TMEM178B: variants seen among roughly 807,000 people sequenced by gnomAD.
The protein encoded by TMEM178B is transmembrane protein 178B.
A neutral mutation model predicts 31.0 loss-of-function variants in TMEM178B; 5 were observed. The ratio of observed to expected loss-of-function variants is 0.16; its 90% CI spans 0.08 to 0.34. The LOEUF is 0.34. TMEM178B is among the 10% of genes least tolerant of loss of function. The pLI is 1.00. For synonymous variants in TMEM178B, 164 were observed against 164.0 expected (o/e 1.00, Z 0.00); for missense variants, 275 against 400.3 (o/e 0.69, Z 2.67).
intron 1 of TMEM178B, among the ~76,000 whole-genome samples, chr7:141,112,795 C>T (rs1333389441): frequency 6.6e-6 from 1 of 152,136 alleles, no homozygotes; most frequent in East Asian, 1.9e-4. Context: ...CTCTCAAAAC[C>T]ATGCATTTTG....
chr7:141,314,554 CCCCACCAGTCT>C (rs1255479090), intron 2 of TMEM178B, among the ~76,000 whole-genome samples: 1 of 152,190 alleles, frequency 6.6e-6, no homozygotes, highest in Admixed American at 6.5e-5. Flanking sequence ...TAGCTTCTGT[CCCCACCAGTCT>C]CCCAAGATGA....
intron 2 of TMEM178B, among the ~76,000 whole-genome samples, chr7:141,283,339 C>T (rs1586869328): frequency 6.6e-6 from 1 of 152,266 alleles, no homozygotes; most frequent in East Asian, 1.9e-4. Context: ...TGAGAGTGAC[C>T]AGTGGGAATG....
At chr7:141,452,119 C>T (rs576969177) in intron 3 of TMEM178B, among the ~76,000 whole-genome samples, 61 of 152,210 alleles carry the variant, frequency 4.0e-4, no homozygotes, top group African/African-American at 1.3e-3. Context: ...AAAACATGTC[C>T]GCTTGTCAAC....
intron 2 of TMEM178B, among the ~76,000 whole-genome samples, chr7:141,375,663 G>A (rs1206621691): frequency 1.3e-5 from 2 of 152,160 alleles, no homozygotes; most frequent in African/African-American, 4.8e-5. Context: ...GTATAATTCT[G>A]GGTTATTGGA....
chr7:141,425,929 G>C (rs918475859), intron 2 of TMEM178B, among the ~76,000 whole-genome samples: 2 of 152,074 alleles, frequency 1.3e-5, no homozygotes, highest in Non-Finnish European at 2.9e-5. Context: ...ATCTCTTCCT[G>C]ACTTGGGGGA....
In TMEM178B at chr7:141,476,698, A is replaced by G. The variant is rs997350334; in HGVS notation, c.*5912A>G. 2.6e-5 allele frequency: 4 copies of G among 152,214 alleles called. No homozygotes were observed. The highest frequency in any genetic ancestry group is 1.3e-4 in the Admixed American group (2 of 15,290). 9.4% of individuals were successfully genotyped at this position (152,214 alleles called of 1,614,324 possible). On this transcript the variant is annotated 3_prime_UTR_variant, in exon 4 of 4. Transcript: ENST00000565468. ...GTCTGGGTGTGATCCTGTTTGGGAA[A>G]AACAGAATCCTAGGTTCTAAACAAG...
intron 1 of TMEM178B, among the ~76,000 whole-genome samples, chr7:141,119,591 A>G (rs1795376263): frequency 1.3e-5 from 2 of 152,340 alleles, no homozygotes; most frequent in South Asian, 4.1e-4. Context: ...GCGCATCTTT[A>G]TGAACATGCT....
chr7:141,198,922 T>C (rs1024091845), intron 1 of TMEM178B, among the ~76,000 whole-genome samples: 10 of 152,164 alleles, frequency 6.6e-5, no homozygotes, highest in African/African-American at 2.4e-4. Context: ...ATTAGGGATG[T>C]GATGGGAATA....
At chr7:141,398,251 A>T (rs1319028330) in intron 2 of TMEM178B, among the ~76,000 whole-genome samples, 1 of 152,220 alleles carries the variant, frequency 6.6e-6, no homozygotes, top group Non-Finnish European at 1.5e-5. Context: ...TCAGGAGGCT[A>T]AATTTGAGTT....
chr7:141,099,458 T>C (rs1795016455), intron 1 of TMEM178B, among the ~76,000 whole-genome samples: 1 of 152,240 alleles, frequency 6.6e-6, no homozygotes, highest in South Asian at 2.1e-4. Context: ...GCACATTAAT[T>C]CATCCTGAAT....
chr7:141,305,720 C>T (rs1229899307), intron 2 of TMEM178B, among the ~76,000 whole-genome samples: 1 of 151,714 alleles, frequency 6.6e-6, no homozygotes, highest in Non-Finnish European at 1.5e-5. Context: ...CAGGCATGAG[C>T]CACTGTGCCT....
At chr7:141,275,004 C>T (rs112401988) in intron 2 of TMEM178B, among the ~76,000 whole-genome samples, 3,091 of 152,232 alleles carry the variant, frequency 0.02, 60 homozygotes, top group Admixed American at 0.06. Context: ...CAAGAGCTAG[C>T]AATGTGGAGG....
the TMEM178B span, among the ~76,000 whole-genome samples, chr7:141,494,052 GT>G: frequency 6.6e-6 from 1 of 152,006 alleles, no homozygotes; most frequent in East Asian, 1.9e-4. Context: ...CCATTTCCCA[GT>G]TTTCTAACTA....
At chr7:141,191,075 G>C (rs961786898) in intron 1 of TMEM178B, among the ~76,000 whole-genome samples, 4 of 152,156 alleles carry the variant, frequency 2.6e-5, no homozygotes, top group Admixed American at 2.6e-4. Context: ...ACATCATTTC[G>C]CTTAAAGCCA....
intron 1 of TMEM178B, among the ~76,000 whole-genome samples, chr7:141,120,168 A>G (rs1795386222): frequency 6.6e-6 from 1 of 152,218 alleles, no homozygotes. Context: ...GAAGCCCTGC[A>G]TGGAGTCTCA....
intron 2 of TMEM178B, among the ~76,000 whole-genome samples, chr7:141,251,833 C>A (rs975633994): frequency 6.6e-6 from 1 of 152,144 alleles, no homozygotes; most frequent in Non-Finnish European, 1.5e-5. Flanking sequence ...TCCCCATGAG[C>A]TTTTCACCTG....
At chr7:141,099,072 G>A (rs1216608985) in intron 1 of TMEM178B, among the ~76,000 whole-genome samples, 1 of 152,144 alleles carries the variant, frequency 6.6e-6, no homozygotes, top group Admixed American at 6.5e-5. Context: ...ATCAACCAGG[G>A]CAGAATGGAA....
At chr7:141,134,153 T>G (rs1361105344) in intron 1 of TMEM178B, among the ~76,000 whole-genome samples, 1 of 152,146 alleles carries the variant, frequency 6.6e-6, no homozygotes, top group Non-Finnish European at 1.5e-5. Context: ...GAGGATCGCT[T>G]GAACCTGAAA....
At chr7:141,131,122 A>G (rs983208456) in intron 1 of TMEM178B, among the ~76,000 whole-genome samples, 1 of 152,130 alleles carries the variant, frequency 6.6e-6, no homozygotes, top group Admixed American at 6.5e-5. Context: ...ATTTGTGACC[A>G]AGTTGTTTTT....
Sources: allele counts gnomAD v4.1 joint callset (sites outside exome capture counted in the v4.1 genomes callset), GRCh38; gene constraint gnomAD v4.1.1; transcripts MANE v1.5; gene names NCBI Gene and HGNC (gene_info 2026-07-23, HGNC 2026-07-21).